The following ANKRD31 variants were observed in gnomAD, a reference collection of about 807,000 sequenced individuals.
ANKRD31 encodes ankyrin repeat domain 31.
ANKRD31 carries 147 observed loss-of-function variants against 186.0 expected under a neutral mutation model. The observed-to-expected ratio is 0.79, with a 90% CI of 0.69 to 0.91. The LOEUF is 0.91. ANKRD31 is among the 40% of genes least tolerant of loss of function. The pLI, the probability that ANKRD31 is intolerant of heterozygous loss-of-function variation, is 0.00. For missense variants in ANKRD31, 1,986 were observed against 2,148.8 expected (o/e 0.92, Z 1.50); for synonymous variants, 673 against 736.4 (o/e 0.91, Z 1.39).
At chr5:75,092,766 G>C (rs1344449798) in intron 22 of ANKRD31, among the ~76,000 whole-genome samples, 1 of 152,160 alleles carries the variant, frequency 6.6e-6, no homozygotes, top group African/African-American at 2.4e-5. Flanking sequence ...CTGCCTGTGA[G>C]AGTGACCAGA....
intron 17 of ANKRD31, among the ~76,000 whole-genome samples, chr5:75,133,326 C>G (rs1044742886): frequency 5.3e-5 from 8 of 150,988 alleles, no homozygotes; most frequent in Non-Finnish European, 1.0e-4. Flanking sequence ...ATCTACCAAG[C>G]AAATGGAAAA....
chr5:75,083,890 A>G (rs1195349715), intron 24 of ANKRD31, among the ~76,000 whole-genome samples: 3 of 152,222 alleles, frequency 2.0e-5, no homozygotes, highest in African/African-American at 7.2e-5. Flanking sequence ...ACATTATACT[A>G]AGTGAAAGAA....
intron 17 of ANKRD31, among the ~76,000 whole-genome samples, chr5:75,131,146 G>A (rs1056822998): frequency 9.9e-5 from 15 of 151,980 alleles, no homozygotes; most frequent in Non-Finnish European, 1.5e-4. Flanking sequence ...CCCCAGCTCC[G>A]ACCTGTGCCT....
At chr5:75,077,572 A>C (rs1481262645) in intron 25 of ANKRD31, among the ~76,000 whole-genome samples, 1 of 152,028 alleles carries the variant, frequency 6.6e-6, no homozygotes, top group Non-Finnish European at 1.5e-5. Context: ...TTTATATATA[A>C]AGTGTTCAGG....
At chr5:75,197,619 G>C (rs562900430) in intron 6 of ANKRD31, among the ~76,000 whole-genome samples, 1 of 152,130 alleles carries the variant, frequency 6.6e-6, no homozygotes, top group African/African-American at 2.4e-5. Context: ...GAATATGCAA[G>C]AAATTCAAGA....
chr5:75,111,980 T>C (rs1747826032), intron 20 of ANKRD31, among the ~76,000 whole-genome samples: 1 of 152,214 alleles, frequency 6.6e-6, no homozygotes, highest in East Asian at 1.9e-4. Context: ...CAGGGTAACA[T>C]AATCTCATCT....
chr5:75,236,818 A>G lies in ANKRD31; in HGVS notation c.-132T>C, dbSNP rs1758301644. 2 of 799,822 alleles carry G rather than the reference A, an allele frequency of 2.5e-6. No homozygotes were observed. The highest frequency in any genetic ancestry group is 3.8e-6 in the Non-Finnish European group (2 of 531,586). The allele number at this position is 799,822 out of a possible 1,614,324, so 49.5% of individuals were successfully genotyped here. Reference sequence around the variant, plus strand: ...TAATATAATCGCAGCAGGAGCCGGGACTTGTCGCAGGGCTGCTGAGGAGGA... The same window carrying G: ...TAATATAATCGCAGCAGGAGCCGGGGCTTGTCGCAGGGCTGCTGAGGAGGA... On this transcript the variant is annotated 5_prime_UTR_variant, in exon 1 of 26. Coordinates refer to ENST00000506364, the MANE Select transcript of ANKRD31 (RefSeq NM_001372053.1).
intron 10 of ANKRD31, among the ~76,000 whole-genome samples, chr5:75,180,583 A>G (rs1270093977): frequency 3.3e-5 from 5 of 152,196 alleles, no homozygotes; most frequent in Non-Finnish European, 1.5e-5. Context: ...AATGCCGCAT[A>G]TCTACAACTA....
chr5:75,137,876 C>T lies in ANKRD31; in HGVS notation c.3856G>A (p.Val1286Ile). The T allele has an allele frequency of 6.5e-7, 1 of 1,528,818 alleles. No homozygotes were observed. Among genetic ancestry groups the T allele is most frequent in the South Asian group, 1.2e-5 (1 of 82,294 alleles). The allele number at this position is 1,528,818 out of a possible 1,614,324, so 94.7% of individuals were successfully genotyped here. A position where few individuals can be genotyped will look rare whatever the true frequency, so the allele number is the denominator to read the frequency against. The change falls in exon 17 of 26, where the codon GTT (valine) becomes ATT (isoleucine). Residue 1286 changes from valine (V) to isoleucine (I), a missense_variant. Coordinates refer to ENST00000506364, the MANE Select transcript of ANKRD31 (RefSeq NM_001372053.1). ...IDGILPLHDA[V>I]ANNHLKAAEI... is the part of the protein sequence containing the mutation. Reference sequence around the variant, plus strand: ...TGTACCTTTAAATGATTGTTTGCAACAGCATCATGTAAGGGCAGAATTCCA... The same window carrying T: ...TGTACCTTTAAATGATTGTTTGCAATAGCATCATGTAAGGGCAGAATTCCA...
intron 11 of ANKRD31, 30 bp from the exon 12 acceptor site, chr5:75,154,375 C>G (rs1752026220): frequency 6.6e-7 from 1 of 1,512,218 alleles, no homozygotes; most frequent in Non-Finnish European, 8.8e-7. Context: ...GTAAGGGAAC[C>G]CAGATTGAGG....
chr5:75,222,379 A>G (rs1413182971), intron 2 of ANKRD31, 21 bp from the exon 3 acceptor site: 5 of 1,501,584 alleles, frequency 3.3e-6, no homozygotes, highest in Non-Finnish European at 4.5e-6. Flanking sequence ...ACATAATCAT[A>G]AATCATTTAC....
At chr5:75,125,251 G>C (rs2150097449) in intron 17 of ANKRD31, among the ~76,000 whole-genome samples, 1 of 152,212 alleles carries the variant, frequency 6.6e-6, no homozygotes, top group Non-Finnish European at 1.5e-5. Context: ...ATCTGCATTT[G>C]TACACCTTAG....
chr5:75,103,818 G>T (rs1374474978), intron 22 of ANKRD31, among the ~76,000 whole-genome samples: 2 of 152,128 alleles, frequency 1.3e-5, no homozygotes, highest in Non-Finnish European at 2.9e-5. Flanking sequence ...GTGAACACAG[G>T]GAGGGGAACA....
chr5:75,138,083 A>G, intron 16 of ANKRD31, 85 bp from the exon 17 acceptor site: 1 of 1,194,872 alleles, frequency 8.4e-7, no homozygotes, highest in Non-Finnish European at 1.1e-6. Flanking sequence ...GTTTTGTTGC[A>G]TTAATGCAAT....
intron 9 of ANKRD31, among the ~76,000 whole-genome samples, chr5:75,192,383 C>G (rs1244648844): frequency 6.6e-6 from 1 of 152,070 alleles, no homozygotes; most frequent in Admixed American, 6.6e-5. Context: ...TTTTCATAGC[C>G]ATATGCTAGG....
chr5:75,164,435 G>A (rs1390985056), intron 11 of ANKRD31, among the ~76,000 whole-genome samples: 1 of 152,202 alleles, frequency 6.6e-6, no homozygotes, highest in Non-Finnish European at 1.5e-5. Flanking sequence ...GTTTAAAGTA[G>A]GTGGACACTC....
rs1467497242 is a variant in ANKRD31 at position 75,104,898 on chromosome 5, T to G, written c.4661A>C (p.Asn1554Thr). The change falls in exon 22 of 26, where the codon AAT becomes ACT. Residue 1554 changes from asparagine (N) to threonine (T), a missense_variant. Coordinates refer to ENST00000506364, the MANE Select transcript of ANKRD31 (RefSeq NM_001372053.1). ...CTCTGAATTTAGACAAATGTTGGTATTTTGGCTGTAGTTCCAAGTTTCCAG... is the reference window on the plus strand; with the variant it reads ...CTCTGAATTTAGACAAATGTTGGTAGTTTGGCTGTAGTTCCAAGTTTCCAG... ...LSLETWNYSQ[N>T]TNICLNSEAV... 1.3e-6 allele frequency: 2 copies of G among 1,537,220 alleles called. No homozygotes were observed. Among genetic ancestry groups the G allele is most frequent in the Non-Finnish European group, 1.7e-6 (2 of 1,146,900 alleles).
chr5:75,230,154 C>G (rs999903975), intron 2 of ANKRD31, among the ~76,000 whole-genome samples: 1 of 151,732 alleles, frequency 6.6e-6, no homozygotes, highest in Non-Finnish European at 1.5e-5. Context: ...GCCCTGAGCA[C>G]GGGCTCTTCA....
chr5:75,194,703 G>A (rs1049451563), intron 7 of ANKRD31, among the ~76,000 whole-genome samples: 21 of 152,168 alleles, frequency 1.4e-4, no homozygotes, highest in African/African-American at 3.4e-4. Context: ...GATTTAAGTA[G>A]TGCTACATTT....
Sources: gnomAD v4.1 joint callset for allele counts (sites outside exome capture counted in the v4.1 genomes callset) on GRCh38, gnomAD v4.1.1 for gene constraint, MANE v1.5 for transcripts, NCBI Gene and HGNC (gene_info 2026-07-23, HGNC 2026-07-21) for gene names.